Variants in GARIN1B observed in about 807,000 individuals in gnomAD.
GARIN1B encodes the protein Golgi-associated RAB2 interactor protein 1B.
the GARIN1B span, among the ~76,000 whole-genome samples, chr7:128,721,254 C>A: frequency 6.6e-6 from 1 of 152,170 alleles, no homozygotes; most frequent in South Asian, 2.1e-4. Flanking sequence ...TCCCAAAGTG[C>A]TGGGAGCCAC....
the GARIN1B span, among the ~76,000 whole-genome samples, chr7:128,720,206 T>C: frequency 1.3e-5 from 2 of 150,460 alleles, no homozygotes; most frequent in Non-Finnish European, 3.0e-5. Flanking sequence ...CCTTCTTCTT[T>C]TTTTTTTTTT....
At chr7:128,711,934 G>T in the GARIN1B span, among the ~76,000 whole-genome samples, 1 of 152,146 alleles carries the variant, frequency 6.6e-6, no homozygotes, top group South Asian at 2.1e-4. Context: ...CCAGCTACTC[G>T]GGAGGCTGAG....
At chr7:128,722,879 C>T in the GARIN1B span, among the ~76,000 whole-genome samples, 4 of 152,086 alleles carry the variant, frequency 2.6e-5, no homozygotes, top group Non-Finnish European at 4.4e-5. Context: ...AACCAAACAG[C>T]ATAAACTTTA....
chr7:128,726,893 C>G, the GARIN1B span: 1 of 1,610,396 alleles, frequency 6.2e-7, no homozygotes. Flanking sequence ...CACAGGGTAC[C>G]ATGCCTCAAA....
At chr7:128,723,067 T>G in the GARIN1B span, 24 of 1,119,138 alleles carry the variant, frequency 2.1e-5, no homozygotes, top group East Asian at 6.3e-4. Context: ...ATTGCCTCTG[T>G]GAGCAGCTGG....
chr7:128,730,140 T>C, the GARIN1B span: 1 of 1,503,364 alleles, frequency 6.7e-7, no homozygotes, highest in South Asian at 1.2e-5. Context: ...CTGGGTCAGA[T>C]CCTGGGGTCC....
chr7:128,714,082 A>G, the GARIN1B span: 1 of 1,535,906 alleles, frequency 6.5e-7, no homozygotes, highest in Non-Finnish European at 8.7e-7. Flanking sequence ...CAGGTGCTGG[A>G]GCAGGGGTGT....
At chr7:128,724,995 C>A in the GARIN1B span, 4 of 710,772 alleles carry the variant, frequency 5.6e-6, no homozygotes, top group Non-Finnish European at 7.7e-6. Flanking sequence ...AGTGCCAACG[C>A]CATCCAGATG....
chr7:128,711,286 A>G, the GARIN1B span, among the ~76,000 whole-genome samples: 1 of 152,116 alleles, frequency 6.6e-6, no homozygotes, highest in East Asian at 1.9e-4. Flanking sequence ...TAGAGCTTCT[A>G]TTTCACAGGA....
chr7:128,729,960 T>C, the GARIN1B span: 1 of 1,613,550 alleles, frequency 6.2e-7, no homozygotes, highest in Non-Finnish European at 8.5e-7. Context: ...GTTGGAGGGC[T>C]TCATTCACGT....
At chr7:128,731,363 G>A in the GARIN1B span, 20 of 560,854 alleles carry the variant, frequency 3.6e-5, no homozygotes, top group Middle Eastern at 3.3e-4. Context: ...CAGAATGGCC[G>A]GGCCCAAGAG....
At chr7:128,719,160 G>A in the GARIN1B span, 1 of 1,501,022 alleles carries the variant, frequency 6.7e-7, no homozygotes, top group South Asian at 1.3e-5. Flanking sequence ...GTATGTGAGT[G>A]CCCTATGAAG....
the GARIN1B span, chr7:128,731,386 A>T: frequency 1.9e-6 from 1 of 538,392 alleles, no homozygotes; most frequent in Admixed American, 3.1e-5. Context: ...GAAGGAAAGG[A>T]GTGAAAGGGA....
At chr7:128,723,159 GC>G in the GARIN1B span, 11 of 1,571,158 alleles carry the variant, frequency 7.0e-6, no homozygotes, top group African/African-American at 1.5e-4. Flanking sequence ...AGACCCCAAG[GC>G]CTTAACCACC....
chr7:128,719,185 A>G, the GARIN1B span: 3 of 1,222,960 alleles, frequency 2.5e-6, no homozygotes. Context: ...TCTCAGTGTG[A>G]GGCCTTTTCT....
chr7:128,730,982 A>G, the GARIN1B span: 2 of 941,488 alleles, frequency 2.1e-6, no homozygotes, highest in Non-Finnish European at 3.5e-6. Context: ...CCCTTATAAG[A>G]TACCTATTAT....
the GARIN1B span, chr7:128,726,947 C>T: frequency 2.9e-6 from 4 of 1,357,856 alleles, no homozygotes; most frequent in East Asian, 9.2e-5. Flanking sequence ...CCTCCAGCCC[C>T]CATCCTGGTT....
the GARIN1B span, chr7:128,731,110 T>A: frequency 6.2e-7 from 1 of 1,611,994 alleles, no homozygotes; most frequent in Non-Finnish European, 8.5e-7. Context: ...GAAATTCTAT[T>A]TGAGCCACCC....
At chr7:128,723,285 T>G in the GARIN1B span, 1 of 1,613,004 alleles carries the variant, frequency 6.2e-7, no homozygotes, top group Non-Finnish European at 8.5e-7. Flanking sequence ...CTGTCTCAGA[T>G]TTTTGCCGAC....
Sources: allele counts gnomAD v4.1 joint callset (sites outside exome capture counted in the v4.1 genomes callset), GRCh38; gene constraint gnomAD v4.1.1; transcripts MANE v1.5; gene names NCBI Gene and HGNC (gene_info 2026-07-23, HGNC 2026-07-21).